COL21A1: variants seen among roughly 807,000 people sequenced by gnomAD.
The protein encoded by COL21A1 is collagen type XXI alpha 1 chain.
In COL21A1, 149 loss-of-function variants were observed where a neutral mutation model predicts 137.9. The observed-to-expected ratio is 1.08, with a 90% CI of 0.95 to 1.24. The LOEUF (loss-of-function observed/expected upper bound fraction) is 1.24, where lower values mean the gene tolerates loss of function less well. Among genes scored for constraint, COL21A1 ranks in the 50% most tolerant of loss-of-function variants. COL21A1 has a pLI of 0.00. For synonymous variants in COL21A1, 456 were observed against 391.5 expected, an observed-to-expected ratio of 1.16 and a Z score of -1.95; for missense variants, 1,167 against 1,158.4, an observed-to-expected ratio of 1.01 and a Z score of -0.11.
intron 16 of COL21A1, among the ~76,000 whole-genome samples, chr6:56,119,394 G>T (rs1772251449): frequency 6.6e-6 from 1 of 151,956 alleles, no homozygotes; most frequent in African/African-American, 2.4e-5. Context: ...AAACACTAAT[G>T]AAAGAAATTG....
chr6:56,057,516 T>C lies in COL21A1; in HGVS notation c.*141A>G. On this transcript the variant is annotated 3_prime_UTR_variant, in exon 30 of 30. Transcript: ENST00000244728. ...AAATCAGTATATGTGATCTTTTATA[T>C]TTTTTTCCATAAGAAAAAAAAAATA... The C allele has an allele frequency of 1.3e-6, 1 of 768,436 alleles. No individual in the cohort carries two copies. The allele number at this position is 768,436 out of a possible 1,614,324, so 47.6% of individuals were successfully genotyped here. A position where few individuals can be genotyped will look rare whatever the true frequency, so the allele number is the denominator to read the frequency against.
At chr6:56,127,485 T>C (rs781005861) in intron 12 of COL21A1, among the ~76,000 whole-genome samples, 9 of 152,184 alleles carry the variant, frequency 5.9e-5, no homozygotes, top group Non-Finnish European at 1.2e-4. Flanking sequence ...GAATTTGATG[T>C]TCTTTATTTC....
intron 1 of COL21A1, among the ~76,000 whole-genome samples, chr6:56,347,951 AT>A (rs1165433199): frequency 6.6e-6 from 1 of 152,232 alleles, no homozygotes; most frequent in African/African-American, 2.4e-5. Context: ...TATTTAAAAA[AT>A]ATTATCATTT....
intron 1 of COL21A1, among the ~76,000 whole-genome samples, chr6:56,268,874 C>A (rs1327111346): frequency 1.3e-5 from 2 of 152,080 alleles, no homozygotes; most frequent in African/African-American, 4.8e-5. Context: ...TACAAGGAAT[C>A]CAGTAAGATG....
chr6:56,336,079 G>A (rs1355634220), intron 1 of COL21A1, among the ~76,000 whole-genome samples: 1 of 152,192 alleles, frequency 6.6e-6, no homozygotes, highest in Non-Finnish European at 1.5e-5. Context: ...TCTTTGAGAA[G>A]CACTTTAGTC....
intron 1 of COL21A1, among the ~76,000 whole-genome samples, chr6:56,187,624 A>G (rs762880057): frequency 6.6e-6 from 1 of 152,236 alleles, no homozygotes; most frequent in African/African-American, 2.4e-5. Context: ...AATCAACTGA[A>G]TAAACACATG....
chr6:56,371,926 TG>T (rs1295379354), intron 1 of COL21A1, among the ~76,000 whole-genome samples: 1 of 152,154 alleles, frequency 6.6e-6, no homozygotes, highest in African/African-American at 2.4e-5. Flanking sequence ...TCCACAGAGC[TG>T]GGCTGAGTCC....
At chr6:56,265,393 C>A (rs1245923619) in intron 1 of COL21A1, among the ~76,000 whole-genome samples, 1 of 152,182 alleles carries the variant, frequency 6.6e-6, no homozygotes, top group Non-Finnish European at 1.5e-5. Flanking sequence ...GTCCAAAAAC[C>A]ATGGGAAACA....
chr6:56,295,332 CTG>C (rs1764139707), intron 1 of COL21A1, among the ~76,000 whole-genome samples: 1 of 152,026 alleles, frequency 6.6e-6, no homozygotes, highest in East Asian at 1.9e-4. Flanking sequence ...CAGTACCACA[CTG>C]TTTTGAATAC....
chr6:56,061,816 T>C (rs906328372), intron 24 of COL21A1, 135 bp from the exon 25 acceptor site: 1 of 544,180 alleles, frequency 1.8e-6, no homozygotes, highest in African/African-American at 1.9e-5. Flanking sequence ...GTGACAGAAT[T>C]ACAGACCCTT....
At chr6:56,101,403 A>G (rs904311027) in intron 17 of COL21A1, 69 bp downstream of exon 17, 21 of 1,220,774 alleles carry the variant, frequency 1.7e-5, no homozygotes, top group African/African-American at 3.0e-5. Context: ...AAGAATTTAA[A>G]TAACCAAAAA....
At chr6:56,290,796 G>C (rs772397370) in intron 1 of COL21A1, among the ~76,000 whole-genome samples, 1 of 152,084 alleles carries the variant, frequency 6.6e-6, no homozygotes, top group Admixed American at 6.5e-5. Context: ...CACCACGCCC[G>C]GCCAGGAAGA....
intron 5 of COL21A1, among the ~76,000 whole-genome samples, chr6:56,168,509 T>C (rs1776774968): frequency 6.6e-6 from 1 of 152,102 alleles, no homozygotes. Context: ...CTATTACATA[T>C]TTCAAAGAAA....
At chr6:56,148,368 G>A (rs111656976) in intron 10 of COL21A1, among the ~76,000 whole-genome samples, 13 of 150,230 alleles carry the variant, frequency 8.7e-5, no homozygotes, top group African/African-American at 2.0e-4. Flanking sequence ...GAGAGAGAGA[G>A]AAACACATAA....
intron 1 of COL21A1, among the ~76,000 whole-genome samples, chr6:56,310,816 T>G (rs1223682766): frequency 1.3e-5 from 2 of 151,906 alleles, no homozygotes; most frequent in African/African-American, 2.4e-5. Flanking sequence ...TCCATAATAT[T>G]GTTATATAAT....
intron 1 of COL21A1, among the ~76,000 whole-genome samples, chr6:56,219,253 G>C (rs1780680971): frequency 7.2e-6 from 1 of 138,472 alleles, no homozygotes; most frequent in African/African-American, 2.7e-5. Flanking sequence ...CACGGTCACT[G>C]TTTGGTGGTC....
intron 1 of COL21A1, among the ~76,000 whole-genome samples, chr6:56,198,472 T>A (rs1163842656): frequency 1.3e-5 from 2 of 152,078 alleles, no homozygotes; most frequent in East Asian, 3.8e-4. Context: ...GTGGTCAACC[T>A]AAAATATATA....
At chr6:56,097,886 T>TATATATAAATATATAA (rs1203103407) in intron 17 of COL21A1, among the ~76,000 whole-genome samples, 1 of 90,220 alleles carries the variant, frequency 1.1e-5, no homozygotes, top group African/African-American at 4.5e-5. Flanking sequence ...AATATATAAA[T>TATATATAAATATATAA]ATATATAAAT....
At chr6:56,235,094 C>T (rs1781816785) in intron 1 of COL21A1, among the ~76,000 whole-genome samples, 2 of 151,760 alleles carry the variant, frequency 1.3e-5, no homozygotes, top group African/African-American at 2.4e-5. Flanking sequence ...TGAAAACACA[C>T]CTTAATTTGT....
Sources: gnomAD v4.1 joint callset for allele counts (sites outside exome capture counted in the v4.1 genomes callset) on GRCh38, gnomAD v4.1.1 for gene constraint, MANE v1.5 for transcripts, NCBI Gene and HGNC (gene_info 2026-07-23, HGNC 2026-07-21) for gene names.